The following GMPS variants were observed in gnomAD, a reference collection of about 807,000 sequenced individuals.
The protein encoded by GMPS is GMP synthase [glutamine-hydrolyzing].
Under a neutral mutation model 77.9 loss-of-function variants are expected in GMPS, and 15 were observed. The observed-to-expected ratio is 0.19, with a 90% CI of 0.13 to 0.30. The LOEUF is 0.30. Among genes scored for constraint, GMPS ranks in the 10% least tolerant of loss-of-function variants. The probability of loss-of-function intolerance (pLI) is 1.00; values close to 1 mark genes in which losing one functional copy is unlikely to be tolerated. For missense variants in GMPS, 590 were observed against 838.8 expected, an observed-to-expected ratio of 0.70 and a Z score of 3.66; for synonymous variants, 224 against 275.9, an observed-to-expected ratio of 0.81 and a Z score of 1.86.
chr3:155,903,717 G>T (rs931971134), intron 3 of GMPS, 146 bp from the exon 4 acceptor site: 2 of 493,248 alleles, frequency 4.1e-6, no homozygotes, highest in African/African-American at 3.9e-5. Context: ...ATACCAAATG[G>T]TCTACATTTA....
chr3:155,934,982 A>G lies in GMPS; in HGVS notation c.1743A>G (p.Thr581=), dbSNP rs891715212. The G allele has an allele frequency of 6.3e-7, 1 of 1,597,602 alleles. No individual in the cohort carries two copies. Among genetic ancestry groups the G allele is most frequent in the African/African-American group, 1.3e-5 (1 of 74,592 alleles). ...CAGATGTTACTCCCACTTTCTTGAC[A>G]ACAGGGGTGCTCAGTACTTTACGCC... ...PPTDVTPTFL[T]TGVLSTLRQA... The change falls in exon 14 of 16, where the codon ACA becomes ACG. Residue 581 remains threonine (T), a synonymous_variant. Transcript: ENST00000496455.
chr3:155,897,674 T>TG (rs1319119861), intron 2 of GMPS, among the ~76,000 whole-genome samples: 1 of 152,228 alleles, frequency 6.6e-6, no homozygotes, highest in East Asian at 1.9e-4. Flanking sequence ...ATTATCTATT[T>TG]GGAAGTTTGT....
At chr3:155,904,993 ATTAT>A (rs1754836152) in intron 4 of GMPS, among the ~76,000 whole-genome samples, 1 of 151,740 alleles carries the variant, frequency 6.6e-6, no homozygotes, top group African/African-American at 2.4e-5. Flanking sequence ...ATTCCTTAGT[ATTAT>A]TTATTATTTA....
intron 1 of GMPS, among the ~76,000 whole-genome samples, 155 bp downstream of exon 1, chr3:155,871,052 G>C (rs1374113323): frequency 6.6e-6 from 1 of 152,140 alleles, no homozygotes; most frequent in African/African-American, 2.4e-5. Context: ...TCCCTGGTCG[G>C]GGCCTGTGGC....
intron 3 of GMPS, 28 bp from the exon 4 acceptor site, chr3:155,903,835 A>G (rs982743614): frequency 6.5e-6 from 6 of 926,506 alleles, no homozygotes; most frequent in East Asian, 2.6e-5. Context: ...TTTGATTTCT[A>G]TTAACATTAA....
rs115407858 is a variant in GMPS at position 155,910,671 on chromosome 3, G to C, written c.527-21G>C. 234 of 1,290,180 alleles carry C rather than the reference G, an allele frequency of 1.8e-4. 1 individual carries two copies. The Middle Eastern group carries it at 5.3e-3, about 29-fold the overall frequency. 79.9% of individuals were successfully genotyped at this position (1,290,180 alleles called of 1,614,324 possible). A position where few individuals can be genotyped will look rare whatever the true frequency, so the allele number is the denominator to read the frequency against. ...TTTCAGCATGAAAAAATTTTAATTT[G>C]TGACTATTTTCTCTATAAAGGCATA... On this transcript the variant is annotated intron_variant, in intron 5 of 15. Coordinates refer to ENST00000496455, the MANE Select transcript of GMPS (RefSeq NM_003875.3).
Position 155,940,962 on chromosome 3 carries a change from CAG to C in GMPS, c.*3274_*3275del, listed in dbSNP as rs1245943883. 9 of 207,212 alleles carry C rather than the reference CAG, an allele frequency of 4.3e-5. No homozygotes were observed. The highest frequency in any genetic ancestry group is 6.9e-5 in the Non-Finnish European group (7 of 101,644). 12.8% of individuals were successfully genotyped at this position (207,212 alleles called of 1,614,324 possible). A position where few individuals can be genotyped will look rare whatever the true frequency, so the allele number is the denominator to read the frequency against. On this transcript the variant is annotated 3_prime_UTR_variant, in exon 16 of 16. Transcript: ENST00000496455. ...ACTGCGTGTTTTTTTGAAAAGCTGACAGAGAATATGCTTTGGCTTTGACACTA... is the reference window on the plus strand; with the variant it reads ...ACTGCGTGTTTTTTTGAAAAGCTGACAGAATATGCTTTGGCTTTGACACTA...
chr3:155,889,555 G>A lies in GMPS; in HGVS notation c.28-3963G>A, dbSNP rs1754415609. ...GATTGCTTCCCACGTAGGTGCTGTA[G>A]CACTAGGGTTTGTGGCTGTGGTAGT... On this transcript the variant is annotated intron_variant, in intron 1 of 15. Transcript: ENST00000496455. Among the ~76,000 whole-genome samples, 5 of 152,302 alleles carry A rather than the reference G, an allele frequency of 3.3e-5. No homozygotes were observed. In the South Asian group the frequency reaches 1.0e-3, roughly 32 times the overall value.
chr3:155,881,698 C>T (rs1242313724), intron 1 of GMPS, among the ~76,000 whole-genome samples: 1 of 152,112 alleles, frequency 6.6e-6, no homozygotes, highest in African/African-American at 2.4e-5. Flanking sequence ...TTGATCTTGT[C>T]CTTTTCCTGA....
chr3:155,919,109 T>A (rs979933092), intron 9 of GMPS, 124 bp from the exon 10 acceptor site: 3 of 559,290 alleles, frequency 5.4e-6, no homozygotes, highest in Non-Finnish European at 9.7e-6. Context: ...AAAGATGCAT[T>A]TTTAGTAATA....
At chr3:155,895,874 T>C (rs924099362) in intron 2 of GMPS, among the ~76,000 whole-genome samples, 35 of 152,320 alleles carry the variant, frequency 2.3e-4, no homozygotes, top group Middle Eastern at 3.4e-3. Context: ...TAGAGTTCTT[T>C]AGCAGATTAA....
chr3:155,896,809 A>G lies in GMPS; in HGVS notation c.210-1118A>G, dbSNP rs915844789. ...GGATGTATTATAAATCTAGCAATAT[A>G]CTTTGTATATTTTTATATGACAGGG... On this transcript the variant is annotated intron_variant, in intron 2 of 15. Coordinates refer to ENST00000496455, the MANE Select transcript of GMPS (RefSeq NM_003875.3). Among the ~76,000 whole-genome samples, 3 of 148,068 alleles carry G rather than the reference A, an allele frequency of 2.0e-5. No homozygotes were observed. The East Asian group carries it at 5.9e-4, about 29-fold the overall frequency.
intron 12 of GMPS, 59 bp from the exon 13 acceptor site, chr3:155,931,706 A>T: frequency 1.6e-6 from 1 of 614,912 alleles, no homozygotes. Context: ...AAGCTTTGTC[A>T]AGTTAAACTG....
chr3:155,937,538 G>A (rs1755791587), intron 15 of GMPS, 53 bp from the exon 16 acceptor site: 1 of 793,730 alleles, frequency 1.3e-6, no homozygotes, highest in Non-Finnish European at 2.3e-6. Flanking sequence ...AGCCCTCTAG[G>A]ACTGCTGGAC....
intron 4 of GMPS, among the ~76,000 whole-genome samples, chr3:155,904,446 C>A (rs527421347): frequency 2.5e-4 from 38 of 152,022 alleles, no homozygotes; most frequent in African/African-American, 8.0e-4. Flanking sequence ...TGAACCACCA[C>A]GCCCGGCTAA....
intron 2 of GMPS, among the ~76,000 whole-genome samples, chr3:155,894,142 G>C (rs186154473): frequency 8.5e-5 from 13 of 152,334 alleles, no homozygotes; most frequent in Admixed American, 7.8e-4. Context: ...GGCTAATTTT[G>C]ACAGCTTGTA....
intron 5 of GMPS, among the ~76,000 whole-genome samples, chr3:155,906,698 G>C (rs763907558): frequency 1.4e-5 from 2 of 145,598 alleles, no homozygotes; most frequent in Non-Finnish European, 3.0e-5. Flanking sequence ...GGCAAACTGT[G>C]ACTTGTGGGT....
intron 11 of GMPS, among the ~76,000 whole-genome samples, chr3:155,922,593 T>C (rs956026918): frequency 1.3e-5 from 2 of 152,196 alleles, no homozygotes; most frequent in Non-Finnish European, 2.9e-5. Context: ...AGGAATTTAT[T>C]GGGAGCATCA....
intron 3 of GMPS, among the ~76,000 whole-genome samples, chr3:155,901,417 G>A (rs761992802): frequency 3.3e-5 from 5 of 151,808 alleles, no homozygotes; most frequent in Non-Finnish European, 7.4e-5. Flanking sequence ...CATAATGTTG[G>A]CTTTCTAGTT....
Sources: allele counts gnomAD v4.1 joint callset (sites outside exome capture counted in the v4.1 genomes callset), GRCh38; gene constraint gnomAD v4.1.1; transcripts MANE v1.5; gene names NCBI Gene and HGNC (gene_info 2026-07-23, HGNC 2026-07-21).